The following EGFLAM variants were observed in gnomAD, a reference collection of about 807,000 sequenced individuals.
EGFLAM encodes the protein EGF like, fibronectin type III and laminin G domains.
In EGFLAM, 79 loss-of-function variants were observed where a neutral mutation model predicts 113.1. The ratio of observed to expected loss-of-function variants is 0.70; its 90% CI spans 0.58 to 0.84. The LOEUF (loss-of-function observed/expected upper bound fraction) is 0.84, where lower values mean the gene tolerates loss of function less well. Ranked by LOEUF, EGFLAM falls within the 40% of genes least tolerant of loss-of-function variation. The pLI is 0.00. For missense variants in EGFLAM, 1,265 were observed against 1,291.6 expected, an observed-to-expected ratio of 0.98 and a Z score of 0.32; for synonymous variants, 504 against 487.6, an observed-to-expected ratio of 1.03 and a Z score of -0.44.
chr5:38,413,469 C>A (rs894642392), intron 11 of EGFLAM, among the ~76,000 whole-genome samples: 2 of 151,208 alleles, frequency 1.3e-5, no homozygotes, highest in Admixed American at 6.6e-5. Context: ...TGAGGGGGGC[C>A]GTAATTGTAG....
intron 6 of EGFLAM, among the ~76,000 whole-genome samples, chr5:38,392,114 C>T (rs998960677): frequency 6.6e-6 from 1 of 152,184 alleles, no homozygotes; most frequent in Non-Finnish European, 1.5e-5. Context: ...TCCCACCCTC[C>T]ATCCTCAGGT....
rs748956499 is a variant in EGFLAM at position 38,458,289 on chromosome 5, T to C, written c.2688-22T>C. The C allele has an allele frequency of 3.1e-6, 5 of 1,609,072 alleles. No individual in the cohort carries two copies. The East Asian group carries it at 1.1e-4, about 36-fold the overall frequency. ...TCAGTGTTTTATTCTGTTCTCTGTCTTCTTCTTCTCCAATGCCTTAGCTAT... is the reference window on the plus strand; with the variant it reads ...TCAGTGTTTTATTCTGTTCTCTGTCCTCTTCTTCTCCAATGCCTTAGCTAT... On this transcript the variant is annotated intron_variant, in intron 19 of 21. Coordinates refer to ENST00000322350, the MANE Select transcript of EGFLAM (RefSeq NM_152403.4).
At chr5:38,340,622 A>G (rs1315993566) in intron 3 of EGFLAM, among the ~76,000 whole-genome samples, 1 of 152,140 alleles carries the variant, frequency 6.6e-6, no homozygotes, top group Non-Finnish European at 1.5e-5. Context: ...TGCTTAGTAG[A>G]CAGGGTTTGA....
At chr5:38,356,783 A>G (rs961868298) in intron 5 of EGFLAM, among the ~76,000 whole-genome samples, 4 of 152,190 alleles carry the variant, frequency 2.6e-5, no homozygotes, top group African/African-American at 9.6e-5. Context: ...AGCCTATCCC[A>G]TTATAGGTGA....
intron 1 of EGFLAM, among the ~76,000 whole-genome samples, chr5:38,263,325 G>T (rs1375897531): frequency 6.6e-6 from 1 of 152,138 alleles, no homozygotes; most frequent in Non-Finnish European, 1.5e-5. Flanking sequence ...AGCCGGGCTT[G>T]GTGGCGCGTG....
intron 19 of EGFLAM, among the ~76,000 whole-genome samples, chr5:38,453,105 A>G (rs1162434403): frequency 6.6e-6 from 1 of 152,192 alleles, no homozygotes; most frequent in African/African-American, 2.4e-5. Flanking sequence ...CCACGTTCTC[A>G]GGCCCCAACC....
intron 3 of EGFLAM, among the ~76,000 whole-genome samples, chr5:38,342,910 T>G (rs1739372154): frequency 6.6e-6 from 1 of 152,156 alleles, no homozygotes; most frequent in African/African-American, 2.4e-5. Flanking sequence ...AGTTCATGTG[T>G]TTTCTTCTGG....
intron 6 of EGFLAM, among the ~76,000 whole-genome samples, chr5:38,378,491 A>T (rs2112054631): frequency 6.6e-6 from 1 of 152,326 alleles, no homozygotes; most frequent in African/African-American, 2.4e-5. Context: ...CAGTGAGCAG[A>T]GAGGAAGCAA....
chr5:38,302,861 A>G (rs1758628099), intron 1 of EGFLAM, among the ~76,000 whole-genome samples: 1 of 152,138 alleles, frequency 6.6e-6, no homozygotes, highest in East Asian at 1.9e-4. Flanking sequence ...TTTTTTCCAA[A>G]CAGGCCATAA....
intron 10 of EGFLAM, 34 bp from the exon 11 acceptor site, chr5:38,412,470 C>G (rs1431758436): frequency 1.2e-6 from 2 of 1,613,956 alleles, no homozygotes; most frequent in Non-Finnish European, 1.7e-6. Context: ...CCTGGTTCGT[C>G]AAGAAATCTT....
chr5:38,310,660 T>C (rs942464510), intron 1 of EGFLAM, among the ~76,000 whole-genome samples: 27 of 152,044 alleles, frequency 1.8e-4, no homozygotes, highest in Non-Finnish European at 8.8e-5. Flanking sequence ...TGCCTTAACA[T>C]AAATATTAAG....
intron 1 of EGFLAM, among the ~76,000 whole-genome samples, chr5:38,307,691 T>G (rs1758758246): frequency 6.6e-6 from 1 of 152,228 alleles, no homozygotes; most frequent in South Asian, 2.1e-4. Context: ...ATTGCTGCTG[T>G]TTTTCCTATT....
intron 5 of EGFLAM, among the ~76,000 whole-genome samples, chr5:38,365,866 T>G (rs183773737): frequency 2.0e-5 from 3 of 152,256 alleles, no homozygotes; most frequent in East Asian, 3.9e-4. Flanking sequence ...GATCAGGAAG[T>G]CACTTGTTAC....
intron 1 of EGFLAM, among the ~76,000 whole-genome samples, chr5:38,298,361 C>T (rs1758497376): frequency 6.6e-6 from 1 of 152,160 alleles, no homozygotes; most frequent in Admixed American, 6.5e-5. Flanking sequence ...AGATGTAAAA[C>T]ATCTCAGCTC....
chr5:38,361,893 C>T (rs1195348459), intron 5 of EGFLAM, among the ~76,000 whole-genome samples: 5 of 137,760 alleles, frequency 3.6e-5, no homozygotes, highest in South Asian at 5.1e-4. Context: ...AAGAATGGCT[C>T]ATGGAGGATT....
chr5:38,440,866 A>G (rs1468944381), intron 17 of EGFLAM, among the ~76,000 whole-genome samples: 1 of 152,186 alleles, frequency 6.6e-6, no homozygotes, highest in Non-Finnish European at 1.5e-5. Context: ...TGTTTTCTGG[A>G]TCGTCAGTGA....
chr5:38,276,528 A>C (rs1260740079), intron 1 of EGFLAM, among the ~76,000 whole-genome samples: 1 of 152,192 alleles, frequency 6.6e-6, no homozygotes, highest in African/African-American at 2.4e-5. Context: ...TAGAAGAACA[A>C]GAAAATAAAC....
At position 38,464,281 on chromosome 5, in the gene EGFLAM, C is replaced by T; in HGVS notation, c.*295C>T. On this transcript the variant is annotated 3_prime_UTR_variant, in exon 22 of 22. Transcript: ENST00000322350. ...CACACATCAATGCAAATTCCAGAGC[C>T]TGTCTGCTATAGCTCAGTGACTGTG... 1 of 380,114 alleles carries T rather than the reference C, an allele frequency of 2.6e-6. No homozygotes were observed. Among genetic ancestry groups the T allele is most frequent in the Non-Finnish European group, 4.8e-6 (1 of 208,260 alleles). The allele number at this position is 380,114 out of a possible 1,614,324, so 23.5% of individuals were successfully genotyped here.
chr5:38,396,573 G>A (rs1740967878), intron 6 of EGFLAM, among the ~76,000 whole-genome samples: 1 of 152,224 alleles, frequency 6.6e-6, no homozygotes, highest in Non-Finnish European at 1.5e-5. Flanking sequence ...TGCCTGCTGT[G>A]TACATAGCAC....
Sources: gnomAD v4.1 joint callset for allele counts (sites outside exome capture counted in the v4.1 genomes callset) on GRCh38, gnomAD v4.1.1 for gene constraint, MANE v1.5 for transcripts, NCBI Gene and HGNC (gene_info 2026-07-23, HGNC 2026-07-21) for gene names.